NAV3: variants seen among roughly 807,000 people sequenced by gnomAD.
NAV3 encodes pore membrane and/or filament interacting like protein 1.
NAV3 carries 87 observed loss-of-function variants against 244.7 expected under a neutral mutation model. That is an observed-to-expected ratio of 0.36 (90% CI 0.30 to 0.42). NAV3 has a LOEUF of 0.42. Among genes scored for constraint, NAV3 ranks in the 20% least tolerant of loss-of-function variants. The pLI is 1.00. For missense variants in NAV3, 2,663 were observed against 2,893.3 expected, an observed-to-expected ratio of 0.92 and a Z score of 1.83; for synonymous variants, 1,126 against 1,042.2, an observed-to-expected ratio of 1.08 and a Z score of -1.55.
chr12:78,021,110 G>C (rs1010173310), intron 8 of NAV3, among the ~76,000 whole-genome samples: 3 of 152,076 alleles, frequency 2.0e-5, no homozygotes, highest in Non-Finnish European at 4.4e-5. Context: ...CCTTTGTTGA[G>C]TGCTTTTCTT....
At chr12:77,873,613 G>T (rs1881327327) in intron 1 of NAV3, among the ~76,000 whole-genome samples, 1 of 143,428 alleles carries the variant, frequency 7.0e-6, no homozygotes, top group South Asian at 2.2e-4. Flanking sequence ...TAGATGATTT[G>T]CTTGTCTAAA....
At chr12:78,083,940 C>T (rs1051815477) in intron 12 of NAV3, among the ~76,000 whole-genome samples, 2 of 152,146 alleles carry the variant, frequency 1.3e-5, no homozygotes, top group Admixed American at 6.5e-5. Context: ...TACTCCACTG[C>T]CCCTTTCTCT....
At position 77,645,151 on chromosome 12, in the gene NAV3, A is replaced by G. The variant is rs544248665; in HGVS notation, c.72+72885A>G. Among the ~76,000 whole-genome samples, 49 of 152,262 alleles carry G rather than the reference A, an allele frequency of 3.2e-4. 1 individual carries two copies. The highest frequency in any genetic ancestry group is 1.1e-3 in the African/African-American group (45 of 41,554). ...CTGGCCATCTACCCACAAAGGCCAG[A>G]TGGAAGATTAAAAGAGATGGTAAAA... On this transcript the variant is annotated intron_variant, in intron 2 of 8. Transcript: ENST00000550042.
intron 12 of NAV3, among the ~76,000 whole-genome samples, chr12:78,102,024 T>G (rs1457729942): frequency 6.6e-6 from 1 of 152,284 alleles, no homozygotes; most frequent in East Asian, 1.9e-4. Context: ...AGTGGTGCCT[T>G]GATTTTGTTA....
intron 9 of NAV3, among the ~76,000 whole-genome samples, chr12:78,038,232 A>AAAAT: frequency 6.6e-6 from 1 of 152,330 alleles, no homozygotes; most frequent in South Asian, 2.1e-4. Flanking sequence ...GTCTTGTATC[A>AAAAT]AAATATATTT....
chr12:77,639,463 G>T lies in NAV3; in HGVS notation c.72+67197G>T, dbSNP rs140561871. 1.6e-3 allele frequency among the ~76,000 whole-genome samples: 247 copies of T among 152,200 alleles called. 1 individual carries two copies. Among genetic ancestry groups the T allele is most frequent in the African/African-American group, 5.7e-3 (237 of 41,554 alleles). ...TATATACTCACTGGTTTATTTATCA[G>T]CCATCTCGTCTAACCAGAATGTAAA... On this transcript the variant is annotated intron_variant, in intron 2 of 8. Transcript: ENST00000550042.
At chr12:78,201,874 C>T (rs1048091533) in intron 38 of NAV3, among the ~76,000 whole-genome samples, 5 of 151,820 alleles carry the variant, frequency 3.3e-5, no homozygotes, top group Non-Finnish European at 5.9e-5. Context: ...ATCTATTTTT[C>T]CCTCTTTTAC....
intron 1 of NAV3, among the ~76,000 whole-genome samples, chr12:77,911,725 C>A (rs528776173): frequency 6.6e-6 from 1 of 151,994 alleles, no homozygotes; most frequent in Admixed American, 6.6e-5. Context: ...ATTTATAGTA[C>A]CCTATGTGAA....
chr12:77,605,517 T>C (rs1443204566), intron 2 of NAV3, among the ~76,000 whole-genome samples: 1 of 152,144 alleles, frequency 6.6e-6, no homozygotes, highest in African/African-American at 2.4e-5. Context: ...AACACATTAA[T>C]GTGTGTTGGA....
chr12:77,859,081 G>A (rs950407479), intron 1 of NAV3, among the ~76,000 whole-genome samples: 2 of 152,052 alleles, frequency 1.3e-5, no homozygotes, highest in Admixed American at 1.3e-4. Context: ...ATGAACAAGT[G>A]TATGTCATTC....
At chr12:78,091,838 C>T (rs1249100155) in intron 12 of NAV3, 1 of 148,614 alleles carries the variant, frequency 6.7e-6, no homozygotes, top group Non-Finnish European at 1.5e-5. Context: ...GGCTACATTT[C>T]TTGTGCAATT....
chr12:77,871,333 G>A (rs1190608240), intron 1 of NAV3, among the ~76,000 whole-genome samples: 1 of 152,070 alleles, frequency 6.6e-6, no homozygotes, highest in African/African-American at 2.4e-5. Context: ...TACATGTGCA[G>A]AATGTGCAGG....
intron 2 of NAV3, among the ~76,000 whole-genome samples, chr12:77,791,473 G>A (rs748181011): frequency 1.3e-5 from 2 of 151,982 alleles, no homozygotes; most frequent in Non-Finnish European, 2.9e-5. Context: ...AACAAGACCC[G>A]TGATAAGATC....
intron 12 of NAV3, among the ~76,000 whole-genome samples, chr12:78,066,746 T>C (rs1196500043): frequency 6.6e-6 from 1 of 152,104 alleles, no homozygotes; most frequent in African/African-American, 2.4e-5. Flanking sequence ...TATTTTTGTA[T>C]TGTACTACTT....
intron 9 of NAV3, among the ~76,000 whole-genome samples, chr12:78,029,929 G>A (rs1208636742): frequency 6.6e-6 from 1 of 152,152 alleles, no homozygotes; most frequent in Non-Finnish European, 1.5e-5. Flanking sequence ...GTACAATCCT[G>A]TTAGGTGACT....
chr12:77,788,555 A>G (rs1430580671), intron 2 of NAV3, among the ~76,000 whole-genome samples: 2 of 151,276 alleles, frequency 1.3e-5, no homozygotes, highest in Non-Finnish European at 2.9e-5. Flanking sequence ...ATCTGTCAGT[A>G]TACTTTGACT....
intron 1 of NAV3, among the ~76,000 whole-genome samples, chr12:77,918,045 A>C (rs767125082): frequency 2.0e-5 from 3 of 152,072 alleles, no homozygotes; most frequent in Admixed American, 6.6e-5. Flanking sequence ...AACAAATTTA[A>C]AAAAGTCCAA....
intron 39 of NAV3, among the ~76,000 whole-genome samples, chr12:78,206,165 A>G (rs1004649239): frequency 6.7e-6 from 1 of 149,818 alleles, no homozygotes; most frequent in Non-Finnish European, 1.5e-5. Flanking sequence ...AAATCACTGA[A>G]GTATATATAT....
At chr12:77,939,768 C>T (rs1889687407) in intron 1 of NAV3, among the ~76,000 whole-genome samples, 2 of 152,242 alleles carry the variant, frequency 1.3e-5, no homozygotes, top group African/African-American at 2.4e-5. Context: ...CATATAAACA[C>T]ATTTCAAGAG....
Sources: gnomAD v4.1 joint callset for allele counts (sites outside exome capture counted in the v4.1 genomes callset) on GRCh38, gnomAD v4.1.1 for gene constraint, MANE v1.5 for transcripts, NCBI Gene and HGNC (gene_info 2026-07-23, HGNC 2026-07-21) for gene names.